Variants in NUDT21 observed in about 807,000 individuals in gnomAD.
NUDT21 encodes the protein nudix hydrolase 21.
NUDT21 carries 5 observed loss-of-function variants against 29.8 expected under a neutral mutation model. The ratio of observed to expected loss-of-function variants is 0.17; its 90% CI spans 0.09 to 0.35. NUDT21 has a LOEUF of 0.35. NUDT21 is among the 10% of genes least tolerant of loss of function. NUDT21 has a pLI of 1.00. For synonymous variants in NUDT21, 113 were observed against 98.5 expected (o/e 1.15, Z -0.87); for missense variants, 76 against 276.0 (o/e 0.28, Z 5.13).
chr16:56,434,800 C>T lies in NUDT21; in HGVS notation c.501G>A (p.Lys167=). ...QYPYIPAHIT[K]PKEHKKLFLV... is the part of the protein sequence containing the mutation. ...GAAACAACTTCTTATGTTCCTTAGG[C>T]TTTGTAATATGTGCAGGAATATATG... The change falls in exon 5 of 7, where the codon AAG becomes AAA. Residue 167 remains lysine (K), a synonymous_variant. Transcript: ENST00000300291. 6.3e-7 allele frequency: 1 copy of T among 1,599,582 alleles called. No individual in the cohort carries two copies. The highest frequency in any genetic ancestry group is 1.3e-5 in the African/African-American group (1 of 74,672).
chr16:56,448,463 T>C (rs1380307460), intron 1 of NUDT21, among the ~76,000 whole-genome samples: 4 of 152,252 alleles, frequency 2.6e-5, no homozygotes, highest in East Asian at 1.9e-4. Context: ...TTATTTTCTA[T>C]TTCTCTCAGT....
Position 56,431,414 on chromosome 16 carries a change from G to A in NUDT21, c.*1298C>T, listed in dbSNP as rs1460406673. 2.0e-5 allele frequency: 3 copies of A among 152,118 alleles called. No individual in the cohort carries two copies. The highest frequency in any genetic ancestry group is 4.4e-5 in the Non-Finnish European group (3 of 68,034). 9.4% of individuals were successfully genotyped at this position (152,118 alleles called of 1,614,324 possible). ...GACATGACCCCAACTAAAAAAACTT[G>A]AGTGTTTATTAATTGCTCAGCTACA... On this transcript the variant is annotated 3_prime_UTR_variant, in exon 7 of 7. Coordinates refer to ENST00000300291, the MANE Select transcript of NUDT21 (RefSeq NM_007006.3).
rs1962093414 is a variant in NUDT21 at position 56,435,746 on chromosome 16, T to TATATATATATAA, written c.472-918_472-917insTTATATATATAT. 6.0e-5 allele frequency among the ~76,000 whole-genome samples: 3 copies of TATATATATATAA among 49,658 alleles called. No individual in the cohort carries two copies. In the East Asian group the frequency reaches 2.4e-3, roughly 39 times the overall value. The allele number at this position is 49,658 out of a possible 152,430, so 32.6% of individuals were successfully genotyped here. ...GTCTCCCAAAAAAAAAAAAAAATTA[T>TATATATATATAA]ATATATATATATATATATATATATA... is the stretch of plus-strand genomic sequence containing the variant. On this transcript the variant is annotated intron_variant, in intron 4 of 6. Coordinates refer to ENST00000300291, the MANE Select transcript of NUDT21 (RefSeq NM_007006.3).
At chr16:56,446,021 C>T (rs761155497) in intron 3 of NUDT21, among the ~76,000 whole-genome samples, 30 of 152,200 alleles carry the variant, frequency 2.0e-4, no homozygotes, top group South Asian at 1.0e-3. Context: ...CAGGGGCAGG[C>T]GGCAATTGAA....
chr16:56,446,548 A>C, intron 3 of NUDT21, 78 bp downstream of exon 3: 2 of 737,134 alleles, frequency 2.7e-6, no homozygotes, highest in Non-Finnish European at 4.6e-6. Context: ...TTCCAAAATA[A>C]GCATCCTTTT....
intron 2 of NUDT21, chr16:56,446,937 CG>C (rs1962226493): frequency 1.5e-5 from 5 of 341,210 alleles, no homozygotes; most frequent in Non-Finnish European, 2.6e-5. Flanking sequence ...GTAGATTCAA[CG>C]GGTACATGTA....
At chr16:56,448,052 T>A in intron 1 of NUDT21, 63 bp from the exon 2 acceptor site, 1 of 1,430,104 alleles carries the variant, frequency 7.0e-7, no homozygotes, top group Non-Finnish European at 9.7e-7. Context: ...ATGACAGACA[T>A]TAGCATAAAG....
At position 56,436,207 on chromosome 16, in the gene NUDT21, TG is replaced by T. The variant is rs199821561; in HGVS notation, c.472-1379del. On this transcript the variant is annotated intron_variant, in intron 4 of 6. Transcript: ENST00000300291. ...TGCTGTTGGAGTTGTATCTGAGAGC[TG>T]GGGAATTTAAAATTGCTGAAAACAG... Among the ~76,000 whole-genome samples, 892 of 152,002 alleles carry T rather than the reference TG, an allele frequency of 5.9e-3. 8 individuals carry two copies. The highest frequency in any genetic ancestry group is 0.021 in the African/African-American group (850 of 41,462).
Position 56,447,907 on chromosome 16 carries a change from T to C in NUDT21, c.199A>G (p.Met67Val), listed in dbSNP as rs2143945714. The C allele has an allele frequency of 6.2e-7, 1 of 1,614,170 alleles. No individual in the cohort carries two copies. The highest frequency in any genetic ancestry group is 8.5e-7 in the Non-Finnish European group (1 of 1,179,990). ...DSSVAARFQR[M>V]REEFDKIGMR... ...CCAATTTTATCAAATTCTTCCCTCATGCGCTGAAATCTGGCTGCAACAGAG... is the reference window on the plus strand; with the variant it reads ...CCAATTTTATCAAATTCTTCCCTCACGCGCTGAAATCTGGCTGCAACAGAG... The change falls in exon 2 of 7, where the codon ATG (methionine) becomes GTG (valine). Residue 67 changes from methionine (M) to valine (V), a missense_variant. Transcript: ENST00000300291.
chr16:56,448,380 T>C (rs1407382771), intron 1 of NUDT21, among the ~76,000 whole-genome samples: 2 of 152,202 alleles, frequency 1.3e-5, no homozygotes, highest in African/African-American at 4.8e-5. Flanking sequence ...TCAGAAAGTT[T>C]TAATTATGGG....
intron 3 of NUDT21, among the ~76,000 whole-genome samples, chr16:56,441,106 T>C (rs1220822332): frequency 6.6e-6 from 1 of 152,118 alleles, no homozygotes; most frequent in Admixed American, 6.5e-5. Flanking sequence ...AGCGACGCAA[T>C]CATGGCTCAC....
chr16:56,434,134 G>C (rs1461975589), intron 6 of NUDT21, among the ~76,000 whole-genome samples, 197 bp downstream of exon 6: 1 of 152,212 alleles, frequency 6.6e-6, no homozygotes, highest in African/African-American at 2.4e-5. Flanking sequence ...ATACCAGAAT[G>C]TCATGCCGAA....
intron 1 of NUDT21, among the ~76,000 whole-genome samples, 165 bp downstream of exon 1, chr16:56,450,922 G>A (rs143897621): frequency 9.9e-5 from 15 of 152,236 alleles, no homozygotes; most frequent in African/African-American, 2.4e-4. Flanking sequence ...GAGGCTGGAG[G>A]ATGAGAAAGG....
At chr16:56,436,921 G>C (rs113524103) in intron 4 of NUDT21, among the ~76,000 whole-genome samples, 9 of 152,306 alleles carry the variant, frequency 5.9e-5, no homozygotes, top group African/African-American at 2.2e-4. Context: ...AGTGGTAGGG[G>C]AGATGAGTGA....
chr16:56,451,167 G>A lies in NUDT21; in HGVS notation c.36C>T (p.Gly12=). ...CGAACTGAGTGACCCCCCGGGGCCAGCCGGTCTGCGAGCGATTGGGCGGTA... is the reference window on the plus strand; with the variant it reads ...CGAACTGAGTGACCCCCCGGGGCCAACCGGTCTGCGAGCGATTGGGCGGTA... ...SVVPPNRSQT[G]WPRGVTQFGN... The change falls in exon 1 of 7, where the codon GGC becomes GGT. Residue 12 remains glycine, a synonymous_variant. Transcript: ENST00000300291. 6.2e-7 allele frequency: 1 copy of A among 1,612,690 alleles called. No homozygotes were observed. Among genetic ancestry groups the A allele is most frequent in the South Asian group, 1.1e-5 (1 of 90,908 alleles).
At chr16:56,449,551 G>T (rs1484264776) in intron 1 of NUDT21, among the ~76,000 whole-genome samples, 1 of 152,132 alleles carries the variant, frequency 6.6e-6, no homozygotes, top group Admixed American at 6.6e-5. Flanking sequence ...GAAATGTACT[G>T]TAAATCAACC....
chr16:56,448,259 G>C (rs777497310), intron 1 of NUDT21, among the ~76,000 whole-genome samples: 22 of 152,104 alleles, frequency 1.4e-4, no homozygotes, highest in Non-Finnish European at 3.1e-4. Flanking sequence ...TTAGAGAAAT[G>C]GTTATCTGAA....
At chr16:56,444,382 G>A (rs1962192961) in intron 3 of NUDT21, among the ~76,000 whole-genome samples, 2 of 151,434 alleles carry the variant, frequency 1.3e-5, no homozygotes, top group East Asian at 2.0e-4. Context: ...TCAGGAGTTC[G>A]AGACCAACCT....
intron 1 of NUDT21, among the ~76,000 whole-genome samples, chr16:56,449,696 TA>T (rs1358136079): frequency 6.6e-6 from 1 of 152,232 alleles, no homozygotes; most frequent in Admixed American, 6.5e-5. Flanking sequence ...TTAGTTCTAA[TA>T]ACCACCGAAA....
Sources: allele counts gnomAD v4.1 joint callset (sites outside exome capture counted in the v4.1 genomes callset), GRCh38; gene constraint gnomAD v4.1.1; transcripts MANE v1.5; gene names NCBI Gene and HGNC (gene_info 2026-07-23, HGNC 2026-07-21).